NELL1: variants seen among roughly 807,000 people sequenced by gnomAD.
The protein encoded by NELL1 is protein kinase C-binding protein NELL1.
NELL1 carries 76 observed loss-of-function variants against 107.4 expected under a neutral mutation model. The ratio of observed to expected loss-of-function variants is 0.71; its 90% CI spans 0.59 to 0.86. The LOEUF is 0.86. Ranked by LOEUF, NELL1 falls within the 40% of genes least tolerant of loss-of-function variation. NELL1 has a pLI of 0.00. For synonymous variants in NELL1, 353 were observed against 341.2 expected, an observed-to-expected ratio of 1.03 and a Z score of -0.38; for missense variants, 1,024 against 1,005.5, an observed-to-expected ratio of 1.02 and a Z score of -0.25.
intron 2 of NELL1, among the ~76,000 whole-genome samples, chr11:20,697,388 T>TTAGA (rs1854647485): frequency 7.1e-6 from 1 of 141,366 alleles, no homozygotes; most frequent in Non-Finnish European, 1.6e-5. Context: ...AATTCTTTAA[T>TTAGA]ATGTTGCTTT....
At chr11:21,228,680 T>C (rs1355285363) in intron 13 of NELL1, among the ~76,000 whole-genome samples, 12 of 32,796 alleles carry the variant, frequency 3.7e-4, no homozygotes, top group South Asian at 1.7e-3. Context: ...TTTTCCCCTC[T>C]CCCCTCCCCT....
At chr11:21,309,391 G>A (rs1185600883) in intron 14 of NELL1, among the ~76,000 whole-genome samples, 1 of 148,412 alleles carries the variant, frequency 6.7e-6, no homozygotes, top group Non-Finnish European at 1.5e-5. Context: ...TGACTTTCCT[G>A]CTTTTTATTA....
At chr11:21,116,220 G>C (rs1056760956) in intron 13 of NELL1, among the ~76,000 whole-genome samples, 1 of 151,886 alleles carries the variant, frequency 6.6e-6, no homozygotes, top group Non-Finnish European at 1.5e-5. Context: ...TGTTTTCTTG[G>C]CTTTTGTGCC....
intron 12 of NELL1, among the ~76,000 whole-genome samples, chr11:21,026,821 T>G (rs773370183): frequency 2.0e-5 from 3 of 152,148 alleles, no homozygotes; most frequent in Non-Finnish European, 4.4e-5. Context: ...CTTGAGAGAT[T>G]AAGTATTTTG....
intron 12 of NELL1, among the ~76,000 whole-genome samples, chr11:21,054,825 A>T (rs1853575887): frequency 6.6e-6 from 1 of 151,850 alleles, no homozygotes; most frequent in African/African-American, 2.4e-5. Context: ...ATGGTCAGTT[A>T]TTTCCTAAGT....
At chr11:20,829,629 C>T (rs1252580407) in intron 3 of NELL1, among the ~76,000 whole-genome samples, 1 of 152,022 alleles carries the variant, frequency 6.6e-6, no homozygotes, top group Non-Finnish European at 1.5e-5. Flanking sequence ...GTCCAGCCCA[C>T]ATTTCATTTA....
intron 15 of NELL1, among the ~76,000 whole-genome samples, chr11:21,387,587 A>G (rs545497831): frequency 2.0e-5 from 3 of 151,902 alleles, no homozygotes; most frequent in African/African-American, 7.2e-5. Flanking sequence ...TGATTTGAAC[A>G]GCTCTTTGTG....
At chr11:20,940,635 G>GT (rs1441937873) in intron 10 of NELL1, among the ~76,000 whole-genome samples, 1 of 152,130 alleles carries the variant, frequency 6.6e-6, no homozygotes, top group African/African-American at 2.4e-5. Context: ...AAAGACCAAG[G>GT]TGAAAGCGCC....
intron 15 of NELL1, among the ~76,000 whole-genome samples, chr11:21,443,181 GA>G (rs1279129478): frequency 6.6e-6 from 1 of 151,610 alleles, no homozygotes; most frequent in African/African-American, 2.4e-5. Context: ...GTCAAAGGGA[GA>G]AAAAAAAGTT....
intron 6 of NELL1, 61 bp downstream of exon 6, chr11:20,918,315 C>T: frequency 9.4e-7 from 1 of 1,066,796 alleles, no homozygotes; most frequent in Non-Finnish European, 1.4e-6. Context: ...ATCAGAGAAA[C>T]ACATCTGGAA....
chr11:21,143,273 G>T (rs1055881030), intron 13 of NELL1, among the ~76,000 whole-genome samples: 1 of 152,172 alleles, frequency 6.6e-6, no homozygotes, highest in African/African-American at 2.4e-5. Flanking sequence ...ATAATAGCTT[G>T]CAGGAGAATT....
At chr11:21,309,280 GTATATA>G (rs67629561) in intron 14 of NELL1, among the ~76,000 whole-genome samples, 1,720 of 108,586 alleles carry the variant, frequency 0.016, 51 homozygotes, top group African/African-American at 0.053. Context: ...ATATATATAT[GTATATA>G]TATATATATA....
At chr11:21,351,139 C>T (rs748575751) in intron 14 of NELL1, among the ~76,000 whole-genome samples, 1 of 152,094 alleles carries the variant, frequency 6.6e-6, no homozygotes, top group African/African-American at 2.4e-5. Flanking sequence ...TATAATGCTA[C>T]AAGCCAAGGA....
chr11:21,449,813 C>A, intron 15 of NELL1, among the ~76,000 whole-genome samples: 1 of 152,196 alleles, frequency 6.6e-6, no homozygotes, highest in Non-Finnish European at 1.5e-5. Context: ...AGAAGACCAA[C>A]CTTTCTCTAT....
chr11:21,071,506 C>A (rs547536595), intron 12 of NELL1, among the ~76,000 whole-genome samples: 1 of 152,136 alleles, frequency 6.6e-6, no homozygotes, highest in Non-Finnish European at 1.5e-5. Context: ...GAATATTTTG[C>A]GGCTGGAAGA....
intron 14 of NELL1, among the ~76,000 whole-genome samples, chr11:21,328,103 G>A (rs922292626): frequency 2.0e-5 from 3 of 152,166 alleles, no homozygotes; most frequent in African/African-American, 4.8e-5. Flanking sequence ...GCAAGACAAT[G>A]GGGAAAATGT....
At chr11:21,257,185 T>C (rs1565133594) in intron 14 of NELL1, among the ~76,000 whole-genome samples, 2 of 151,910 alleles carry the variant, frequency 1.3e-5, no homozygotes, top group Non-Finnish European at 2.9e-5. Flanking sequence ...TATATTAGAA[T>C]AGAACTCTTC....
At chr11:21,260,362 A>T (rs930960507) in intron 14 of NELL1, 1 of 151,908 alleles carries the variant, frequency 6.6e-6, no homozygotes, top group African/African-American at 2.4e-5. Context: ...CTGCTTTTAT[A>T]TCAACAGAAT....
intron 12 of NELL1, among the ~76,000 whole-genome samples, chr11:21,009,180 T>G (rs2134284142): frequency 6.6e-6 from 1 of 152,254 alleles, no homozygotes; most frequent in East Asian, 1.9e-4. Context: ...TCCAGCATAA[T>G]TCCTGGAACA....
Sources: gnomAD v4.1 joint callset for allele counts (sites outside exome capture counted in the v4.1 genomes callset) on GRCh38, gnomAD v4.1.1 for gene constraint, MANE v1.5 for transcripts, NCBI Gene and HGNC (gene_info 2026-07-23, HGNC 2026-07-21) for gene names.